The following SFMBT2 variants were observed in gnomAD, a reference collection of about 807,000 sequenced individuals.
SFMBT2 encodes the protein scm-like with four MBT domains protein 2.
In SFMBT2, 38 loss-of-function variants were observed where a neutral mutation model predicts 110.1. That is an observed-to-expected ratio of 0.35 (90% CI 0.27 to 0.45). SFMBT2 has a LOEUF of 0.45. Ranked by LOEUF, SFMBT2 falls within the 20% of genes least tolerant of loss-of-function variation. SFMBT2 has a pLI of 1.00. For synonymous variants in SFMBT2, 425 were observed against 425.4 expected (o/e 1.00, Z 0.01); for missense variants, 1,011 against 1,094.9 (o/e 0.92, Z 1.08).
intron 1 of SFMBT2, among the ~76,000 whole-genome samples, chr10:7,391,359 G>A (rs1367441585): frequency 7.9e-5 from 12 of 151,850 alleles, no homozygotes; most frequent in African/African-American, 1.9e-4. Context: ...CCAGCTACTC[G>A]GGAGGCTGAG....
At chr10:7,387,732 A>C (rs1845650464) in intron 1 of SFMBT2, among the ~76,000 whole-genome samples, 1 of 150,928 alleles carries the variant, frequency 6.6e-6, no homozygotes, top group Non-Finnish European at 1.5e-5. Flanking sequence ...GGAGTTTGAG[A>C]CCAGCCTGGC....
At position 7,164,221 on chromosome 10, in the gene SFMBT2, T is replaced by C. The variant is rs1263772911; in HGVS notation, c.2545-311A>G. ...GGGTAACACGGTGAGATACGGTCTC[T>C]ACAAAAAATTTAAAAATTAGCTGGG... is the stretch of plus-strand genomic sequence containing the variant. On this transcript the variant is annotated intron_variant, in intron 20 of 20. Transcript: ENST00000397167. 5.2e-6 allele frequency: 4 copies of C among 763,712 alleles called. No individual in the cohort carries two copies. In the African/African-American group the frequency reaches 7.6e-5, roughly 14 times the overall value. The allele number at this position is 763,712 out of a possible 1,614,324, so 47.3% of individuals were successfully genotyped here. A position where few individuals can be genotyped will look rare whatever the true frequency, so the allele number is the denominator to read the frequency against.
At chr10:7,324,374 G>C (rs1468854395) in intron 4 of SFMBT2, among the ~76,000 whole-genome samples, 2 of 152,160 alleles carry the variant, frequency 1.3e-5, no homozygotes, top group African/African-American at 4.8e-5. Context: ...AAAAATAATG[G>C]AATAAGGAGT....
At position 7,297,000 on chromosome 10, in the gene SFMBT2, C is replaced by T. The variant is rs185466869; in HGVS notation, c.437-11046G>A. ...TGAGTCCCCTGCCTGCTGGCCTGCC[C>T]AGTCAGAGCTCAGACTCACCACACC... On this transcript the variant is annotated intron_variant, in intron 4 of 20. Coordinates refer to ENST00000397167, the MANE Select transcript of SFMBT2 (RefSeq NM_001387889.1). 3.9e-5 allele frequency among the ~76,000 whole-genome samples: 6 copies of T among 152,344 alleles called. No homozygotes were observed. The East Asian group carries it at 1.2e-3, about 29-fold the overall frequency.
chr10:7,197,661 G>A lies in SFMBT2; in HGVS notation c.1585C>T (p.Pro529Ser), dbSNP rs1308614100. The change falls in exon 15 of 21, where the codon CCT becomes TCT. Residue 529 changes from proline (P) to serine (S), a missense_variant. Pro to Ser is a moderately conservative substitution (Grantham distance 74). Around this residue, in one of 2 missense-constraint regions of SFMBT2, gnomAD observed 979 missense variants for 1,016.1 expected, o/e 0.96. Coordinates refer to ENST00000397167, the MANE Select transcript of SFMBT2 (RefSeq NM_001387889.1). ...TGTVNGKYCC[P>S]QLFINHRCFS... ...CACCTGTGGTTGATGAAGAGCTGAG[G>A]ACAGCAGTATTTCCCGTTGACGGTT... The A allele has an allele frequency of 2.5e-6, 4 of 1,614,036 alleles. No individual in the cohort carries two copies. In the South Asian group the frequency reaches 3.3e-5, roughly 13 times the overall value.
intron 9 of SFMBT2, among the ~76,000 whole-genome samples, chr10:7,242,462 G>T (rs992992360): frequency 2.0e-5 from 3 of 152,202 alleles, no homozygotes; most frequent in Admixed American, 2.0e-4. Flanking sequence ...ATTCTTCATA[G>T]TTCACTTTGA....
At chr10:7,342,831 T>C (rs911417088) in intron 4 of SFMBT2, among the ~76,000 whole-genome samples, 3 of 152,206 alleles carry the variant, frequency 2.0e-5, no homozygotes, top group Non-Finnish European at 4.4e-5. Flanking sequence ...AGCCAAAACA[T>C]AAACCACTTT....
intron 20 of SFMBT2, among the ~76,000 whole-genome samples, chr10:7,166,587 T>C (rs2762621): frequency 0.71 from 108,043 of 152,086 alleles, 39,364 homozygotes; most frequent in African/African-American, 0.88. Flanking sequence ...TCTCTGGACA[T>C]CCCATGAATC....
chr10:7,382,443 A>T (rs1215003683), intron 1 of SFMBT2, among the ~76,000 whole-genome samples: 1 of 152,180 alleles, frequency 6.6e-6, no homozygotes, highest in Non-Finnish European at 1.5e-5. Context: ...TAAAAAGACT[A>T]ATGAGTACAT....
intron 1 of SFMBT2, among the ~76,000 whole-genome samples, chr10:7,392,983 TTATA>T (rs760008467): frequency 0.049 from 2,917 of 59,248 alleles, 57 homozygotes; most frequent in Non-Finnish European, 0.067. Context: ...TGTGGATAGA[TTATA>T]TATATATATA....
intron 1 of SFMBT2, among the ~76,000 whole-genome samples, chr10:7,399,480 C>T (rs910441885): frequency 6.6e-6 from 1 of 152,190 alleles, no homozygotes; most frequent in Non-Finnish European, 1.5e-5. Flanking sequence ...GATCTGCCTG[C>T]CTCAGCCTCC....
chr10:7,400,408 G>T (rs1846045376), intron 1 of SFMBT2, among the ~76,000 whole-genome samples: 1 of 152,234 alleles, frequency 6.6e-6, no homozygotes, highest in Admixed American at 6.5e-5. Context: ...GGAGGGCTGT[G>T]ATGGTTATCT....
chr10:7,318,464 G>C (rs1390302421), intron 4 of SFMBT2, among the ~76,000 whole-genome samples: 1 of 152,156 alleles, frequency 6.6e-6, no homozygotes, highest in Non-Finnish European at 1.5e-5. Flanking sequence ...CTGAATTCCA[G>C]GTCAGCCAAT....
At position 7,367,596 on chromosome 10, in the gene SFMBT2, G is replaced by A. The variant is rs532729888; in HGVS notation, c.436+53C>T. ...CTCTCTGCTCCTTGCAAAATTACAG[G>A]CGTCATGAAGGATGGCGGCTCGTAA... On this transcript the variant is annotated intron_variant, in intron 4 of 20. Transcript: ENST00000397167. The surrounding 1 kb of genome is among the most constrained non-coding windows in gnomAD (Gnocchi z 6.2). The A allele has an allele frequency of 5.7e-5, 90 of 1,574,390 alleles. No individual in the cohort carries two copies. In the African/African-American group the frequency reaches 1.1e-3, roughly 20 times the overall value.
At chr10:7,357,353 C>T (rs1436379778) in intron 4 of SFMBT2, among the ~76,000 whole-genome samples, 2 of 152,150 alleles carry the variant, frequency 1.3e-5, no homozygotes, top group African/African-American at 4.8e-5. Flanking sequence ...ACACACTGAC[C>T]AGCAGATCAT....
At chr10:7,190,955 T>G (rs1838580298) in intron 15 of SFMBT2, among the ~76,000 whole-genome samples, 1 of 152,118 alleles carries the variant, frequency 6.6e-6, no homozygotes. Flanking sequence ...ATAAGTCTCA[T>G]GAGATCTGAT....
chr10:7,160,361 C>T lies in SFMBT2; in HGVS notation c.*3409G>A, dbSNP rs1026631946. On this transcript the variant is annotated 3_prime_UTR_variant, in exon 21 of 21. Transcript: ENST00000397167. ...AAGAAGTGAGGAGCTGAAACAAGCT[C>T]CATGAGTTTAGGGTGAGACTGAGCG... 1.3e-5 allele frequency: 2 copies of T among 152,166 alleles called. No individual in the cohort carries two copies. The highest frequency in any genetic ancestry group is 4.8e-5 in the African/African-American group (2 of 41,426). The allele number at this position is 152,166 out of a possible 1,614,324, so 9.4% of individuals were successfully genotyped here.
rs138100283 is a variant in SFMBT2, at chr10:7,336,806, C to T, written c.436+30843G>A. The stretch of plus-strand genomic sequence containing the variant: ...CAGGGAAAGGCCACTGAGTTTCACA[C>T]TAAGAGAACTGCTGGAGACCAGAAC... On this transcript the variant is annotated intron_variant, in intron 4 of 20. Coordinates refer to ENST00000397167, the MANE Select transcript of SFMBT2 (RefSeq NM_001387889.1). Among the ~76,000 whole-genome samples the T allele has an allele frequency of 5.8e-3, 887 of 152,212 alleles. 6 individuals carry two copies. Among genetic ancestry groups the T allele is most frequent in the African/African-American group, 0.02 (811 of 41,520 alleles).
At chr10:7,246,879 T>TAAC (rs1203222935) in intron 8 of SFMBT2, among the ~76,000 whole-genome samples, 1 of 152,056 alleles carries the variant, frequency 6.6e-6, no homozygotes, top group African/African-American at 2.4e-5. Context: ...CAGCACCCAC[T>TAAC]AACAGAACAA....
Sources: allele counts gnomAD v4.1 joint callset (sites outside exome capture counted in the v4.1 genomes callset), GRCh38; gene constraint gnomAD v4.1.1; regional missense constraint gnomAD v4.1.1; non-coding constraint Gnocchi (gnomAD v3.1); transcripts MANE v1.5; gene names NCBI Gene and HGNC (gene_info 2026-07-23, HGNC 2026-07-21).